The following NAV2 variants were observed in gnomAD, a reference collection of about 807,000 sequenced individuals.
NAV2 encodes neuron navigator 2.
NAV2 carries 54 observed loss-of-function variants against 223.2 expected under a neutral mutation model. That is an observed-to-expected ratio of 0.24 (90% CI 0.19 to 0.30). The LOEUF (loss-of-function observed/expected upper bound fraction) is 0.30, where lower values mean the gene tolerates loss of function less well. Ranked by LOEUF, NAV2 falls within the 10% of genes least tolerant of loss-of-function variation. The pLI, the probability that NAV2 is intolerant of heterozygous loss-of-function variation, is 1.00. For synonymous variants in NAV2, 1,279 were observed against 1,239.3 expected (o/e 1.03, Z -0.67); for missense variants, 2,806 against 3,147.5 (o/e 0.89, Z 2.60).
intron 1 of NAV2, among the ~76,000 whole-genome samples, chr11:19,633,120 C>T (rs892005706): frequency 2.6e-5 from 4 of 152,168 alleles, no homozygotes; most frequent in Non-Finnish European, 5.9e-5. Flanking sequence ...CCTCAGAAGA[C>T]AGCGACCACT....
At chr11:19,781,931 C>T (rs2056781176) in intron 1 of NAV2, among the ~76,000 whole-genome samples, 2 of 152,184 alleles carry the variant, frequency 1.3e-5, no homozygotes, top group Admixed American at 1.3e-4. Flanking sequence ...CACGTATAGA[C>T]TGATTCCCAT....
intron 3 of NAV2, among the ~76,000 whole-genome samples, chr11:19,860,399 C>T (rs1183044654): frequency 6.7e-6 from 1 of 149,414 alleles, no homozygotes; most frequent in Non-Finnish European, 1.5e-5. Context: ...GACGGGGCGA[C>T]AGGGCAGAGG....
At chr11:20,079,947 ATG>A in intron 24 of NAV2, 115 bp from the exon 25 acceptor site, 1 of 1,055,546 alleles carries the variant, frequency 9.5e-7, no homozygotes, top group South Asian at 1.6e-5. Flanking sequence ...GTTGATGTAT[ATG>A]TGGAAAACAC....
chr11:19,835,751 A>G (rs2060192139), intron 2 of NAV2, among the ~76,000 whole-genome samples: 1 of 151,172 alleles, frequency 6.6e-6, no homozygotes, highest in Non-Finnish European at 1.5e-5. Context: ...AAAATTTTAT[A>G]TATATCTACA....
intron 1 of NAV2, among the ~76,000 whole-genome samples, chr11:19,544,270 C>G (rs575707261): frequency 6.6e-6 from 1 of 152,192 alleles, no homozygotes; most frequent in Non-Finnish European, 1.5e-5. Context: ...ACTCTAATCT[C>G]GAGTTCTTTT....
intron 19 of NAV2, chr11:20,056,709 C>T: frequency 3.4e-6 from 3 of 885,612 alleles, no homozygotes; most frequent in Non-Finnish European, 5.7e-6. Context: ...GGCGGCAATG[C>T]TCATTAACCA....
At chr11:19,535,192 C>A (rs986716762) in intron 1 of NAV2, among the ~76,000 whole-genome samples, 4 of 151,986 alleles carry the variant, frequency 2.6e-5, no homozygotes, top group Non-Finnish European at 5.9e-5. Context: ...GAGACAGGAA[C>A]CAGGGAAAAC....
chr11:19,985,494 A>G (rs527612061), intron 11 of NAV2, among the ~76,000 whole-genome samples: 6 of 152,320 alleles, frequency 3.9e-5, no homozygotes, highest in Non-Finnish European at 7.3e-5. Context: ...GTAATTAACA[A>G]AGAAAGGAAT....
chr11:19,417,534 C>G (rs139687179), intron 1 of NAV2, among the ~76,000 whole-genome samples: 1 of 152,122 alleles, frequency 6.6e-6, no homozygotes, highest in African/African-American at 2.4e-5. Context: ...GAAGGCAGTG[C>G]GGTGATTCCT....
At chr11:19,923,955 G>A (rs542244132) in intron 6 of NAV2, among the ~76,000 whole-genome samples, 5 of 152,206 alleles carry the variant, frequency 3.3e-5, no homozygotes, top group South Asian at 2.1e-4. Flanking sequence ...ATAAAGAATA[G>A]GCATGTCTTA....
At chr11:19,673,723 GC>G (rs1296254526) in intron 1 of NAV2, among the ~76,000 whole-genome samples, 1 of 152,140 alleles carries the variant, frequency 6.6e-6, no homozygotes. Flanking sequence ...ACCAAAGCTT[GC>G]AACTTTCTGC....
At chr11:19,530,547 G>A (rs2043999176) in intron 1 of NAV2, among the ~76,000 whole-genome samples, 1 of 152,180 alleles carries the variant, frequency 6.6e-6, no homozygotes, top group Admixed American at 6.5e-5. Context: ...TCACCCTGCT[G>A]ATGGATGGTA....
chr11:19,489,147 A>T (rs1340431317), intron 1 of NAV2, among the ~76,000 whole-genome samples: 1 of 152,214 alleles, frequency 6.6e-6, no homozygotes, highest in African/African-American at 2.4e-5. Context: ...AGAAGAGGTG[A>T]TGAGACTGTC....
At chr11:19,512,289 T>C (rs1338373040) in intron 1 of NAV2, among the ~76,000 whole-genome samples, 1 of 152,158 alleles carries the variant, frequency 6.6e-6, no homozygotes, top group African/African-American at 2.4e-5. Flanking sequence ...AAAGTGAAAC[T>C]CATAGCTGGC....
At chr11:19,742,473 T>C (rs2052929528) in intron 1 of NAV2, among the ~76,000 whole-genome samples, 1 of 152,208 alleles carries the variant, frequency 6.6e-6, no homozygotes. Flanking sequence ...AGCTCTGGGA[T>C]TGGCAAGGGT....
chr11:19,412,552 C>G (rs1415255676), intron 1 of NAV2, among the ~76,000 whole-genome samples: 2 of 152,208 alleles, frequency 1.3e-5, no homozygotes, highest in Non-Finnish European at 2.9e-5. Context: ...GTGGATCTCC[C>G]AGCACAGCAA....
At chr11:20,044,644 A>G (rs1027080492) in intron 13 of NAV2, among the ~76,000 whole-genome samples, 2 of 152,146 alleles carry the variant, frequency 1.3e-5, no homozygotes, top group Non-Finnish European at 2.9e-5. Context: ...TCCCCTGGAC[A>G]TGTTAGGGAC....
intron 1 of NAV2, among the ~76,000 whole-genome samples, chr11:19,428,197 TA>T (rs765719621): frequency 5.6e-4 from 86 of 152,338 alleles, no homozygotes; most frequent in Middle Eastern, 3.4e-3. Flanking sequence ...TTGCTGTTGT[TA>T]AATATCCCAA....
chr11:20,091,748 A>G (rs1326448033), intron 27 of NAV2, among the ~76,000 whole-genome samples: 1 of 152,172 alleles, frequency 6.6e-6, no homozygotes, highest in Non-Finnish European at 1.5e-5. Context: ...GTTCCCTGAA[A>G]CACTCTTTCC....
Sources: allele counts gnomAD v4.1 joint callset (sites outside exome capture counted in the v4.1 genomes callset), GRCh38; gene constraint gnomAD v4.1.1; transcripts MANE v1.5; gene names NCBI Gene and HGNC (gene_info 2026-07-23, HGNC 2026-07-21).